Variants in ACTR3C observed in about 807,000 individuals in gnomAD.
ACTR3C encodes the protein actin-related protein 3C.
Under a neutral mutation model 26.3 loss-of-function variants are expected in ACTR3C, and 18 were observed. That is an observed-to-expected ratio of 0.68 (90% confidence interval 0.47 to 1.01). ACTR3C has a LOEUF of 1.01. ACTR3C is among the 50% of genes least tolerant of loss of function. The pLI is 0.00. For missense variants in ACTR3C, 184 were observed against 250.7 expected, an observed-to-expected ratio of 0.73 and a Z score of 1.80; for synonymous variants, 55 against 94.5, an observed-to-expected ratio of 0.58 and a Z score of 2.42.
chr7:150,042,399 C>T, the ACTR3C span, among the ~76,000 whole-genome samples: 17 of 131,226 alleles, frequency 1.3e-4, no homozygotes, highest in African/African-American at 3.7e-4. Context: ...AAGAGGGGCT[C>T]GCTCTCAGTC....
At chr7:150,206,295 T>C in the ACTR3C span, among the ~76,000 whole-genome samples, 1 of 152,236 alleles carries the variant, frequency 6.6e-6, no homozygotes, top group Non-Finnish European at 1.5e-5. Context: ...TTGGCATGGC[T>C]CAACTAGTGG....
chr7:149,903,627 G>A, the ACTR3C span, among the ~76,000 whole-genome samples: 12 of 151,638 alleles, frequency 7.9e-5, no homozygotes, highest in South Asian at 6.2e-4. Flanking sequence ...CTCCAGCCTC[G>A]ATCTCCTGGG....
intron 6 of ACTR3C, among the ~76,000 whole-genome samples, chr7:150,270,878 C>T (rs141596976): frequency 0.026 from 3,966 of 152,056 alleles, 128 homozygotes; most frequent in African/African-American, 0.092. Flanking sequence ...TGCTACTTCC[C>T]TCAACCATTT....
At chr7:149,945,318 A>ACAGGCTGCATGGTCTTGGGG in the ACTR3C span, among the ~76,000 whole-genome samples, 1 of 118,872 alleles carries the variant, frequency 8.4e-6, no homozygotes, top group African/African-American at 3.0e-5. Context: ...TCCATCAGTG[A>ACAGGCTGCATGGTCTTGGGG]CAACCTCCCA....
the ACTR3C span, among the ~76,000 whole-genome samples, chr7:149,919,009 C>T: frequency 6.6e-6 from 1 of 152,194 alleles, no homozygotes; most frequent in Admixed American, 6.5e-5. Flanking sequence ...TGGGCACTTG[C>T]TCCTCCCTGG....
chr7:149,961,653 G>A, the ACTR3C span, among the ~76,000 whole-genome samples: 2 of 151,584 alleles, frequency 1.3e-5, no homozygotes, highest in Admixed American at 6.6e-5. Context: ...ATACACATAG[G>A]ATCTATGGGC....
chr7:149,992,773 T>G, the ACTR3C span, among the ~76,000 whole-genome samples: 2 of 152,144 alleles, frequency 1.3e-5, no homozygotes, highest in African/African-American at 4.8e-5. Context: ...ACGGAGCTTA[T>G]TAGGGAGAAT....
At chr7:150,039,940 GA>G in the ACTR3C span, among the ~76,000 whole-genome samples, 690 of 138,632 alleles carry the variant, frequency 5.0e-3, 12 homozygotes, top group African/African-American at 0.016. Context: ...AGAGCCAGGG[GA>G]GGAAAGGGGG....
the ACTR3C span, among the ~76,000 whole-genome samples, chr7:150,091,176 G>T: frequency 7.5e-6 from 1 of 133,490 alleles, no homozygotes; most frequent in African/African-American, 2.9e-5. Flanking sequence ...TGGAGCCAGG[G>T]TGAAGCATCA....
At chr7:150,035,723 T>C in the ACTR3C span, among the ~76,000 whole-genome samples, 3 of 97,054 alleles carry the variant, frequency 3.1e-5, no homozygotes, top group South Asian at 3.4e-4. Context: ...GGGGTGAAGA[T>C]GGTCTGGCTC....
the ACTR3C span, among the ~76,000 whole-genome samples, chr7:150,133,736 GTGTT>G: frequency 0.042 from 6,238 of 148,266 alleles, 182 homozygotes; most frequent in East Asian, 0.11. Context: ...TTTATCTTTT[GTGTT>G]TGTTTGTTTG....
the ACTR3C span, among the ~76,000 whole-genome samples, chr7:150,147,075 C>G: frequency 6.6e-6 from 1 of 152,174 alleles, no homozygotes; most frequent in Non-Finnish European, 1.5e-5. Flanking sequence ...GAGGCTTGTA[C>G]TATTGACTTT....
the ACTR3C span, among the ~76,000 whole-genome samples, chr7:150,090,287 T>C: frequency 0.022 from 3,314 of 152,322 alleles, 125 homozygotes; most frequent in African/African-American, 0.076. Flanking sequence ...GGTGGAGAGT[T>C]TTCTGGACTG....
chr7:149,888,864 C>A, the ACTR3C span, among the ~76,000 whole-genome samples: 10 of 151,810 alleles, frequency 6.6e-5, no homozygotes, highest in Non-Finnish European at 1.3e-4. Flanking sequence ...AAAAAGTAGC[C>A]GGACGTGGTG....
the ACTR3C span, among the ~76,000 whole-genome samples, chr7:150,076,177 A>C: frequency 2.2e-4 from 33 of 151,948 alleles, no homozygotes; most frequent in Middle Eastern, 6.8e-3. Flanking sequence ...GTTTTCCTAC[A>C]TTTGAAAAGA....
In ACTR3C at chr7:150,253,754, C is replaced by A. The variant is rs373347060; in HGVS notation, c.565-4700G>T. Among the ~76,000 whole-genome samples, 1,128 of 151,996 alleles carry A rather than the reference C, an allele frequency of 7.4e-3. 4 individuals are homozygous for A. The highest frequency in any genetic ancestry group is 0.017 in the Middle Eastern group (5 of 294). ...TCCTTTTTAGTGGCAAGCGGCCCAT[C>A]GGTATTGGCTATTGATAATAATTGA... On this transcript the variant is annotated intron_variant, in intron 6 of 7. Transcript: ENST00000683684.
At chr7:150,140,868 G>A in the ACTR3C span, among the ~76,000 whole-genome samples, 1 of 152,270 alleles carries the variant, frequency 6.6e-6, no homozygotes, top group Non-Finnish European at 1.5e-5. Flanking sequence ...TAGCCAAGTT[G>A]TGAGTGCAAA....
the ACTR3C span, among the ~76,000 whole-genome samples, chr7:150,039,967 G>A: frequency 7.3e-6 from 1 of 136,886 alleles, no homozygotes; most frequent in Non-Finnish European, 1.6e-5. Flanking sequence ...CGCAGTCCCC[G>A]CCTCGCGGGG....
At chr7:150,054,265 A>G in the ACTR3C span, among the ~76,000 whole-genome samples, 1 of 152,202 alleles carries the variant, frequency 6.6e-6, no homozygotes, top group South Asian at 2.1e-4. Flanking sequence ...AACAGACTGG[A>G]ATGTTGTTCA....
Sources: allele counts gnomAD v4.1 joint callset (sites outside exome capture counted in the v4.1 genomes callset), GRCh38; gene constraint gnomAD v4.1.1; transcripts MANE v1.5; gene names NCBI Gene and HGNC (gene_info 2026-07-23, HGNC 2026-07-21).